Variants in DZIP3 observed in about 807,000 individuals in gnomAD.
DZIP3 encodes the protein DAZ interacting zinc finger protein 3, also known as E3 ubiquitin-protein ligase DZIP3.
DZIP3 carries 118 observed loss-of-function variants against 162.0 expected under a neutral mutation model. The observed-to-expected ratio is 0.73, with a 90% CI of 0.63 to 0.85. The LOEUF is 0.85. DZIP3 is among the 40% of genes least tolerant of loss of function. The pLI is 0.00. For synonymous variants in DZIP3, 438 were observed against 458.6 expected, an observed-to-expected ratio of 0.96 and a Z score of 0.57; for missense variants, 1,331 against 1,407.0, an observed-to-expected ratio of 0.95 and a Z score of 0.86.
At chr3:108,688,326 T>G (rs888358365) in intron 29 of DZIP3, among the ~76,000 whole-genome samples, 1 of 152,224 alleles carries the variant, frequency 6.6e-6, no homozygotes, top group African/African-American at 2.4e-5. Context: ...TGAAATTTGC[T>G]CTAGTTTCTT....
chr3:108,673,622 G>A (rs1035454728), intron 23 of DZIP3, among the ~76,000 whole-genome samples: 6 of 151,954 alleles, frequency 3.9e-5, no homozygotes, highest in Admixed American at 1.3e-4. Context: ...TCCCAAGCCC[G>A]TTTCTGTCTT....
At chr3:108,676,247 C>T (rs777842417) in intron 25 of DZIP3, among the ~76,000 whole-genome samples, 8 of 151,902 alleles carry the variant, frequency 5.3e-5, no homozygotes, top group Non-Finnish European at 1.2e-4. Context: ...CAGGTGCTCA[C>T]GGTTATGGTG....
intron 27 of DZIP3, among the ~76,000 whole-genome samples, 198 bp downstream of exon 27, chr3:108,684,539 T>G (rs1944433547): frequency 6.6e-6 from 1 of 152,158 alleles, no homozygotes; most frequent in South Asian, 2.1e-4. Context: ...TAGCTTCGTT[T>G]TGGGATACAA....
chr3:108,677,208 G>A (rs1944142042), intron 25 of DZIP3, among the ~76,000 whole-genome samples: 1 of 151,754 alleles, frequency 6.6e-6, no homozygotes, highest in Non-Finnish European at 1.5e-5. Flanking sequence ...TCCTATTTTA[G>A]AGCTGAAAAT....
intron 21 of DZIP3, among the ~76,000 whole-genome samples, chr3:108,664,659 C>G (rs1943592949): frequency 1.3e-5 from 2 of 152,240 alleles, no homozygotes; most frequent in Non-Finnish European, 2.9e-5. Flanking sequence ...TTCCCCCCTT[C>G]CCTCAGCTGG....
intron 10 of DZIP3, among the ~76,000 whole-genome samples, 167 bp from the exon 11 acceptor site, chr3:108,636,449 A>G (rs1045469772): frequency 6.6e-6 from 1 of 152,006 alleles, no homozygotes; most frequent in South Asian, 2.1e-4. Flanking sequence ...TAGGATATCC[A>G]TTGATATATG....
intron 21 of DZIP3, among the ~76,000 whole-genome samples, chr3:108,669,253 A>G (rs1287303400): frequency 6.6e-6 from 1 of 151,928 alleles, no homozygotes; most frequent in East Asian, 1.9e-4. Context: ...TAGACCTTAA[A>G]TCTTTCATAA....
intron 1 of DZIP3, among the ~76,000 whole-genome samples, chr3:108,596,703 G>T (rs751799140): frequency 6.6e-6 from 1 of 152,164 alleles, no homozygotes; most frequent in Admixed American, 6.5e-5. Flanking sequence ...TGTGCAGAAG[G>T]GTGGGTGAGT....
intron 25 of DZIP3, among the ~76,000 whole-genome samples, chr3:108,676,220 G>T (rs949210995): frequency 6.6e-6 from 1 of 152,046 alleles, no homozygotes; most frequent in Non-Finnish European, 1.5e-5. Flanking sequence ...GAGCCAAGGC[G>T]AGAGGATCAC....
At chr3:108,643,124 A>T (rs74487989) in intron 13 of DZIP3, among the ~76,000 whole-genome samples, 1,955 of 152,324 alleles carry the variant, frequency 0.013, 50 homozygotes, top group African/African-American at 0.044. Context: ...AAAAACGTTA[A>T]TTTAATAAAT....
At chr3:108,654,910 C>T (rs578201353) in intron 19 of DZIP3, among the ~76,000 whole-genome samples, 21 of 152,256 alleles carry the variant, frequency 1.4e-4, no homozygotes, top group African/African-American at 5.1e-4. Context: ...ACCTGCTCTG[C>T]TGTTTAAATA....
At chr3:108,661,217 A>C (rs1576436401) in intron 19 of DZIP3, among the ~76,000 whole-genome samples, 1 of 152,354 alleles carries the variant, frequency 6.6e-6, no homozygotes, top group East Asian at 1.9e-4. Flanking sequence ...TCACAATAGC[A>C]AAGACTTGGA....
intron 12 of DZIP3, among the ~76,000 whole-genome samples, chr3:108,641,760 G>C (rs1020839065): frequency 6.6e-6 from 1 of 152,064 alleles, no homozygotes. Flanking sequence ...TGTTATAGTG[G>C]TACTGGAGAT....
At chr3:108,640,453 T>A (rs1465442772) in intron 12 of DZIP3, among the ~76,000 whole-genome samples, 1 of 150,454 alleles carries the variant, frequency 6.6e-6, no homozygotes, top group African/African-American at 2.4e-5. Context: ...CATCCTTTTT[T>A]TTTTTTTTTT....
At chr3:108,669,104 C>T (rs964420403) in intron 21 of DZIP3, among the ~76,000 whole-genome samples, 1 of 151,858 alleles carries the variant, frequency 6.6e-6, no homozygotes, top group African/African-American at 2.4e-5. Flanking sequence ...GCTATAGATT[C>T]TGATTTATAC....
intron 18 of DZIP3, among the ~76,000 whole-genome samples, chr3:108,651,631 G>A (rs1942873399): frequency 6.6e-6 from 1 of 151,492 alleles, no homozygotes; most frequent in East Asian, 1.9e-4. Flanking sequence ...CAAAAAGTTT[G>A]GCTTTGTTGT....
Position 108,625,924 on chromosome 3 carries a change from C to T in DZIP3, c.536C>T (p.Ser179Phe), listed in dbSNP as rs770889997. The T allele has an allele frequency of 3.7e-6, 6 of 1,613,048 alleles. No individual in the cohort carries two copies. The highest frequency in any genetic ancestry group is 4.2e-6 in the Non-Finnish European group (5 of 1,179,686). The stretch of plus-strand genomic sequence containing the variant: ...AATGAAATTTGTGAAAACTTTATGT[C>T]TTTAGTTTATTTTGGACGTGGTTTA... ...QENEICENFM[S>F]LVYFGRGLLR... is the part of the protein sequence containing the mutation. Residue 179 changes from serine to phenylalanine, a missense_variant, in exon 7 of 33, where the codon TCT becomes TTT. By Grantham distance (155) the Ser-to-Phe change is radical. This residue lies in a region of DZIP3 where 1,278 missense variants were observed against 1,317.1 expected (regional missense o/e 0.97). Transcript: ENST00000361582.
intron 21 of DZIP3, among the ~76,000 whole-genome samples, chr3:108,665,122 A>T (rs1943614623): frequency 6.6e-6 from 1 of 152,218 alleles, no homozygotes. Flanking sequence ...CAGACAAGAA[A>T]GGCAAAAGAC....
At chr3:108,651,575 T>C (rs1213521252) in intron 18 of DZIP3, among the ~76,000 whole-genome samples, 1 of 151,616 alleles carries the variant, frequency 6.6e-6, no homozygotes, top group Non-Finnish European at 1.5e-5. Context: ...AGGTGTGTAG[T>C]AGGCTATACC....
Sources: gnomAD v4.1 joint callset for allele counts (sites outside exome capture counted in the v4.1 genomes callset) on GRCh38, gnomAD v4.1.1 for gene constraint, gnomAD v4.1.1 regional missense constraint, MANE v1.5 for transcripts, NCBI Gene and HGNC (gene_info 2026-07-23, HGNC 2026-07-21) for gene names.